INO80: variants seen among roughly 807,000 people sequenced by gnomAD.
The protein encoded by INO80 is INO80 complex ATPase subunit, also known as chromatin-remodeling ATPase INO80.
In INO80, 20 loss-of-function variants were observed where a neutral mutation model predicts 203.4. That is an observed-to-expected ratio of 0.10 (90% CI 0.07 to 0.14). The LOEUF (loss-of-function observed/expected upper bound fraction) is 0.14. INO80 is among the 10% of genes least tolerant of loss of function. INO80 has a pLI of 1.00. For missense variants in INO80, 1,419 were observed against 1,914.4 expected (o/e 0.74, Z 4.83); for synonymous variants, 726 against 685.2 (o/e 1.06, Z -0.93).
intron 25 of INO80, among the ~76,000 whole-genome samples, chr15:41,026,331 T>C (rs1024638769): frequency 2.0e-5 from 3 of 152,092 alleles, no homozygotes; most frequent in Admixed American, 6.6e-5. Context: ...GACAGGTAGA[T>C]AGCTTGAACT....
chr15:40,980,531 G>A, intron 35 of INO80, 91 bp from the exon 36 acceptor site: 1 of 930,298 alleles, frequency 1.1e-6, no homozygotes, highest in South Asian at 1.5e-5. Flanking sequence ...GTCTGAGCTG[G>A]AGGAGAAGTG....
chr15:41,075,264 C>G (rs1369926134), intron 9 of INO80, among the ~76,000 whole-genome samples: 1 of 151,380 alleles, frequency 6.6e-6, no homozygotes, highest in Non-Finnish European at 1.5e-5. Flanking sequence ...GTACACATGT[C>G]AGAAACTTTT....
chr15:41,070,009 T>C (rs969113708), intron 13 of INO80, among the ~76,000 whole-genome samples: 2 of 152,248 alleles, frequency 1.3e-5, no homozygotes, highest in African/African-American at 4.8e-5. Flanking sequence ...TTTGCTTTTT[T>C]TTCAGTTTTA....
chr15:41,026,156 T>A (rs1001189798), intron 25 of INO80, among the ~76,000 whole-genome samples: 1 of 152,200 alleles, frequency 6.6e-6, no homozygotes, highest in Non-Finnish European at 1.5e-5. Flanking sequence ...CCTGTCAGAT[T>A]CTGTCTTTTG....
chr15:41,063,067 T>TGG (rs1330251267), intron 14 of INO80, among the ~76,000 whole-genome samples: 16 of 152,208 alleles, frequency 1.1e-4, no homozygotes, highest in African/African-American at 3.9e-4. Flanking sequence ...GTGGGCGCAG[T>TGG]GGCTCATGCC....
Position 40,982,926 on chromosome 15 carries a change from G to C in INO80, c.4389C>G (p.Ala1463=), listed in dbSNP as rs780378680. 6.2e-7 allele frequency: 1 copy of C among 1,614,110 alleles called. No individual in the cohort carries two copies. The highest frequency in any genetic ancestry group is 1.1e-5 in the South Asian group (1 of 91,078). ...CAGAGGCCGCTGCAGCCCCGGCTTT[G>C]GCTCCTGCCATTGCAGCAGCACTGC... The part of the protein sequence containing the change: ...TAGSAAAMAG[A]KAGAAAASAA... Residue 1463 remains alanine (A), a synonymous_variant, in exon 35 of 36, where the codon GCC becomes GCG. Transcript: ENST00000648947.
chr15:41,071,917 T>C lies in INO80; in HGVS notation c.1537A>G (p.Ile513Val), dbSNP rs774911944. ...TAACCTTTCAATTTGCCATTAAAAA[T>C]TGTGGGCTGTGGAATATCCTCACCA... ...RAGEDIPQPT[I>V]FNGKLKGYQL... The change falls in exon 12 of 36, where the codon ATT becomes GTT. Residue 513 changes from isoleucine to valine, a missense_variant. Coordinates refer to ENST00000648947, the MANE Select transcript of INO80 (RefSeq NM_017553.3). 1.3e-5 allele frequency: 21 copies of C among 1,613,916 alleles called. No homozygotes were observed. The highest frequency in any genetic ancestry group is 4.5e-5 in the East Asian group (2 of 44,892).
At chr15:41,051,484 C>T (rs540758742) in intron 19 of INO80, among the ~76,000 whole-genome samples, 47 of 150,862 alleles carry the variant, frequency 3.1e-4, no homozygotes, top group African/African-American at 9.3e-4. Context: ...CATACTAGAT[C>T]TTCAGATCAC....
Position 41,096,314 on chromosome 15 carries a change from A to G in INO80, c.-4T>C. ...TGGCACCCAACTCCGAGGCCATAGA[A>G]CAAATCTGTCTTCATGCACAAGGAC... On this transcript the variant is annotated 5_prime_UTR_variant, in exon 2 of 36. Transcript: ENST00000648947. The G allele has an allele frequency of 1.3e-6, 2 of 1,581,228 alleles. No homozygotes were observed. The highest frequency in any genetic ancestry group is 1.7e-6 in the Non-Finnish European group (2 of 1,170,366).
At chr15:41,051,519 A>G (rs1015929740) in intron 19 of INO80, among the ~76,000 whole-genome samples, 4 of 151,360 alleles carry the variant, frequency 2.6e-5, no homozygotes, top group Non-Finnish European at 5.9e-5. Context: ...CTAAACAACA[A>G]TCATGAACTA....
chr15:41,005,720 T>C (rs2044030795), intron 27 of INO80, 33 bp from the exon 28 acceptor site: 1 of 1,162,674 alleles, frequency 8.6e-7, no homozygotes, highest in African/African-American at 1.5e-5. Context: ...ACAGTAAATC[T>C]GATGCAAATT....
intron 26 of INO80, among the ~76,000 whole-genome samples, chr15:41,020,327 C>T (rs1347276604): frequency 2.0e-5 from 3 of 152,132 alleles, no homozygotes; most frequent in Admixed American, 6.6e-5. Flanking sequence ...AAGCAAAGAA[C>T]GTGAGCCTAT....
chr15:41,027,866 AAAC>A (rs1566917209), intron 24 of INO80, 130 bp from the exon 25 acceptor site: 2 of 617,578 alleles, frequency 3.2e-6, no homozygotes, highest in African/African-American at 1.9e-5. Flanking sequence ...TAATTCTAAT[AAAC>A]AACCACTAAT....
chr15:41,047,510 T>C lies in INO80; in HGVS notation c.2642-9A>G. ...GCTTTCTTCATTAATACCTGAAATATAAAAGACAATTTGAAACCCAACAGC... is the reference window on the plus strand; with the variant it reads ...GCTTTCTTCATTAATACCTGAAATACAAAAGACAATTTGAAACCCAACAGC... On this transcript the variant is annotated splice_polypyrimidine_tract_variant and intron_variant, in intron 22 of 35. Transcript: ENST00000648947. 6.3e-7 allele frequency: 1 copy of C among 1,576,212 alleles called. No individual in the cohort carries two copies. The highest frequency in any genetic ancestry group is 8.7e-7 in the Non-Finnish European group (1 of 1,150,116).
intron 32 of INO80, 88 bp from the exon 33 acceptor site, chr15:40,984,440 TTTATTC>T (rs1893946576): frequency 8.0e-7 from 1 of 1,250,040 alleles, no homozygotes; most frequent in East Asian, 2.4e-5. Flanking sequence ...TAACAGAACT[TTTATTC>T]TTTAGTTTAT....
chr15:41,098,716 T>A (rs1316194685), intron 1 of INO80, among the ~76,000 whole-genome samples: 2 of 152,084 alleles, frequency 1.3e-5, no homozygotes, highest in Non-Finnish European at 2.9e-5. Context: ...GCAAATCATC[T>A]ATCTGATAAA....
chr15:41,008,389 A>C (rs937394350), intron 27 of INO80, among the ~76,000 whole-genome samples: 1 of 152,202 alleles, frequency 6.6e-6, no homozygotes, highest in African/African-American at 2.4e-5. Flanking sequence ...GTTAAAACTC[A>C]TAAAAGTAGA....
chr15:41,018,676 T>A (rs1323355568), intron 26 of INO80: 1 of 152,254 alleles, frequency 6.6e-6, no homozygotes, highest in African/African-American at 2.4e-5. Flanking sequence ...TAGTAAGATA[T>A]GCAGGAAAAA....
At chr15:41,115,755 C>A (rs561221493) in intron 1 of INO80, among the ~76,000 whole-genome samples, 1 of 152,184 alleles carries the variant, frequency 6.6e-6, no homozygotes, top group South Asian at 2.1e-4. Flanking sequence ...GACCCCGGGT[C>A]TCCAGAGATA....
Sources: gnomAD v4.1 joint callset for allele counts (sites outside exome capture counted in the v4.1 genomes callset) on GRCh38, gnomAD v4.1.1 for gene constraint, MANE v1.5 for transcripts, NCBI Gene and HGNC (gene_info 2026-07-23, HGNC 2026-07-21) for gene names.